Variants in PRKAR1A observed in about 807,000 individuals in gnomAD.
PRKAR1A encodes cAMP-dependent protein kinase type I-alpha regulatory subunit.
A neutral mutation model predicts 52.0 loss-of-function variants in PRKAR1A; 3 were observed. The observed-to-expected ratio is 0.06, with a 90% CI of 0.03 to 0.15. The LOEUF (loss-of-function observed/expected upper bound fraction) is 0.15. Ranked by LOEUF, PRKAR1A falls within the 10% of genes least tolerant of loss-of-function variation. The pLI is 1.00. For synonymous variants in PRKAR1A, 188 were observed against 168.4 expected (o/e 1.12, Z -0.90); for missense variants, 240 against 477.4 (o/e 0.50, Z 4.63).
rs145639562 is a variant in PRKAR1A, at chr17:68,548,378, A to G, written c.974-2706A>G. ...AACCCCGTCTCTACTAAAAATGCAAAAATTAGCCAGGTGTGGTGGGCAGCG... is the reference window on the plus strand; with the variant it reads ...AACCCCGTCTCTACTAAAAATGCAAGAATTAGCCAGGTGTGGTGGGCAGCG... On this transcript the variant is annotated intron_variant, in intron 11 of 11. Coordinates refer to the PRKAR1A transcript ENST00000585981. Among the ~76,000 whole-genome samples, 437 of 152,258 alleles carry G rather than the reference A, an allele frequency of 2.9e-3. 7 individuals carry two copies. The East Asian group carries it at 0.05, about 17-fold the overall frequency.
At chr17:68,522,209 T>C (rs1471555937) in intron 2 of PRKAR1A, among the ~76,000 whole-genome samples, 2 of 152,350 alleles carry the variant, frequency 1.3e-5, no homozygotes, top group Middle Eastern at 3.4e-3. Context: ...TATTTGTTTT[T>C]AATTTCCTGT....
At chr17:68,456,440 G>T in the PRKAR1A span, among the ~76,000 whole-genome samples, 3 of 152,116 alleles carry the variant, frequency 2.0e-5, no homozygotes, top group African/African-American at 7.2e-5. Context: ...TGATGCTCAG[G>T]GTGCACATTC....
chr17:68,492,745 T>G, the PRKAR1A span, among the ~76,000 whole-genome samples: 1 of 152,108 alleles, frequency 6.6e-6, no homozygotes, highest in Non-Finnish European at 1.5e-5. Context: ...CTGAGGGGCA[T>G]AAGGCAGAAG....
chr17:68,526,719 G>C (rs142335644), intron 7 of PRKAR1A, among the ~76,000 whole-genome samples: 42 of 152,272 alleles, frequency 2.8e-4, no homozygotes, highest in African/African-American at 9.6e-4. Flanking sequence ...TAAGCAATGA[G>C]AACACGTGGA....
the PRKAR1A span, among the ~76,000 whole-genome samples, chr17:68,432,612 C>T: frequency 1.3e-5 from 2 of 152,100 alleles, no homozygotes; most frequent in East Asian, 1.9e-4. Flanking sequence ...ATAAGGTGCC[C>T]GGCCTCTGTT....
the PRKAR1A span, among the ~76,000 whole-genome samples, chr17:68,479,774 G>T: frequency 1.3e-5 from 2 of 152,182 alleles, no homozygotes; most frequent in African/African-American, 4.8e-5. Context: ...ACCCAAGACT[G>T]GGTAATTTAT....
At chr17:68,463,842 A>C in the PRKAR1A span, among the ~76,000 whole-genome samples, 17 of 152,364 alleles carry the variant, frequency 1.1e-4, no homozygotes, top group South Asian at 3.3e-3. Flanking sequence ...TCTGACTTAC[A>C]CTGGAATTCG....
At chr17:68,429,012 C>T in the PRKAR1A span, 1 of 1,117,086 alleles carries the variant, frequency 9.0e-7, no homozygotes, top group South Asian at 1.3e-5. Flanking sequence ...ACAAAGCCCC[C>T]CTCACCCTAG....
the PRKAR1A span, among the ~76,000 whole-genome samples, chr17:68,493,912 A>G: frequency 2.6e-5 from 4 of 152,098 alleles, no homozygotes; most frequent in Non-Finnish European, 5.9e-5. Flanking sequence ...ATTTAATAGT[A>G]TCTATTTCCT....
the PRKAR1A span, among the ~76,000 whole-genome samples, chr17:68,501,088 G>A: frequency 8.8e-5 from 13 of 147,314 alleles, no homozygotes; most frequent in African/African-American, 2.8e-4. Flanking sequence ...GAGAGAGCTC[G>A]GAGCATACTC....
chr17:68,440,828 A>G, the PRKAR1A span: 18 of 152,358 alleles, frequency 1.2e-4, no homozygotes, highest in African/African-American at 3.8e-4. Flanking sequence ...ACTTTAGGTA[A>G]GTTAACAGTG....
chr17:68,531,118 C>CT lies in PRKAR1A; in HGVS notation c.*673dup. ...ATGTTTCTTCTCCAATTCTGAAATACTTTTGAGTATGGCTATCTATACCTG... is the reference window on the plus strand; with the variant it reads ...ATGTTTCTTCTCCAATTCTGAAATACTTTTTGAGTATGGCTATCTATACCTG... On this transcript the variant is annotated 3_prime_UTR_variant, in exon 11 of 11. Transcript: ENST00000589228. 9.4e-7 allele frequency: 1 copy of CT among 1,066,314 alleles called. No individual in the cohort carries two copies. Among genetic ancestry groups the CT allele is most frequent in the African/African-American group, 1.6e-5 (1 of 61,052 alleles). The allele number at this position is 1,066,314 out of a possible 1,614,324, so 66.1% of individuals were successfully genotyped here. A position where few individuals can be genotyped will look rare whatever the true frequency, so the allele number is the denominator to read the frequency against.
the PRKAR1A span, among the ~76,000 whole-genome samples, chr17:68,457,824 G>T: frequency 1.2e-4 from 18 of 152,304 alleles, no homozygotes; most frequent in Middle Eastern, 3.4e-3. Flanking sequence ...GGACAAAGGC[G>T]CGTGACGCAA....
At chr17:68,521,907 C>T (rs1220061661) in intron 2 of PRKAR1A, among the ~76,000 whole-genome samples, 1 of 152,082 alleles carries the variant, frequency 6.6e-6, no homozygotes, top group African/African-American at 2.4e-5. Context: ...TTCTTTAGAT[C>T]TGAGAGGAAT....
At chr17:68,421,925 TG>T in the PRKAR1A span, 1 of 1,455,300 alleles carries the variant, frequency 6.9e-7, no homozygotes, top group Middle Eastern at 1.7e-4. Context: ...AGGGAGAGGC[TG>T]GGCACTGTGG....
chr17:68,507,214 T>A (rs1171611632), upstream of PRKAR1A, among the ~76,000 whole-genome samples: 1 of 152,210 alleles, frequency 6.6e-6, no homozygotes, highest in Non-Finnish European at 1.5e-5. Context: ...GACACAAAGA[T>A]CTGTGTGACA....
chr17:68,436,370 C>T, the PRKAR1A span: 2 of 1,612,972 alleles, frequency 1.2e-6, no homozygotes, highest in Non-Finnish European at 1.7e-6. Flanking sequence ...AGCCAGGTCA[C>T]CGTCAACTTA....
intron 1 of PRKAR1A, 43 bp from the exon 2 acceptor site, chr17:68,515,351 G>A (rs777325958): frequency 6.2e-7 from 1 of 1,606,510 alleles, no homozygotes; most frequent in Non-Finnish European, 8.5e-7. Flanking sequence ...TTGACATTTT[G>A]CTTTATAGTT....
At chr17:68,442,300 C>A in the PRKAR1A span, among the ~76,000 whole-genome samples, 4 of 151,888 alleles carry the variant, frequency 2.6e-5, no homozygotes, top group African/African-American at 7.3e-5. Flanking sequence ...CCTATCTCTA[C>A]TAAAAATACA....
Sources: allele counts gnomAD v4.1 joint callset (sites outside exome capture counted in the v4.1 genomes callset), GRCh38; gene constraint gnomAD v4.1.1; transcripts MANE v1.5; gene names NCBI Gene and HGNC (gene_info 2026-07-23, HGNC 2026-07-21).